PLEKHA2: variants seen among roughly 807,000 people sequenced by gnomAD.
The protein encoded by PLEKHA2 is pleckstrin homology domain containing A2.
A neutral mutation model predicts 53.2 loss-of-function variants in PLEKHA2; 28 were observed. The observed-to-expected ratio is 0.53, with a 90% CI of 0.39 to 0.72. The LOEUF is 0.72. Among genes scored for constraint, PLEKHA2 ranks in the 30% least tolerant of loss-of-function variants. The pLI is 0.00. For missense variants in PLEKHA2, 426 were observed against 537.9 expected (o/e 0.79, Z 2.06); for synonymous variants, 193 against 196.4 (o/e 0.98, Z 0.14).
intron 1 of PLEKHA2, among the ~76,000 whole-genome samples, chr8:38,911,341 A>G (rs1175874800): frequency 1.3e-5 from 2 of 151,976 alleles, no homozygotes; most frequent in Non-Finnish European, 2.9e-5. Flanking sequence ...GGTTCAAGCA[A>G]TTCTCCTGTC....
intron 10 of PLEKHA2, among the ~76,000 whole-genome samples, chr8:38,958,607 AG>A (rs1475343838): frequency 6.6e-6 from 1 of 152,192 alleles, no homozygotes; most frequent in African/African-American, 2.4e-5. Flanking sequence ...CATACCATCC[AG>A]GAAGAGACAG....
At chr8:38,941,227 T>C (rs1449226264) in intron 3 of PLEKHA2, among the ~76,000 whole-genome samples, 1 of 152,116 alleles carries the variant, frequency 6.6e-6, no homozygotes, top group African/African-American at 2.4e-5. Flanking sequence ...CGGCTAATTT[T>C]GTATTTTTAG....
intron 10 of PLEKHA2, among the ~76,000 whole-genome samples, 165 bp from the exon 11 acceptor site, chr8:38,968,427 G>T (rs1835180584): frequency 6.6e-6 from 1 of 152,118 alleles, no homozygotes; most frequent in African/African-American, 2.4e-5. Context: ...GATATTGCAG[G>T]GAAAACATGT....
At chr8:38,940,622 G>T (rs1262322613) in intron 3 of PLEKHA2, among the ~76,000 whole-genome samples, 1 of 128,996 alleles carries the variant, frequency 7.8e-6, no homozygotes, top group Non-Finnish European at 1.6e-5. Flanking sequence ...CAGGACAGAA[G>T]TCTATGCCGT....
chr8:38,927,047 A>C (rs983146494), intron 2 of PLEKHA2, among the ~76,000 whole-genome samples: 3 of 152,258 alleles, frequency 2.0e-5, no homozygotes, highest in African/African-American at 7.2e-5. Flanking sequence ...AACTTAGCAG[A>C]GGTTAAATAA....
chr8:38,918,684 C>G (rs530313620), intron 2 of PLEKHA2, among the ~76,000 whole-genome samples: 1 of 148,330 alleles, frequency 6.7e-6, no homozygotes, highest in African/African-American at 2.5e-5. Flanking sequence ...CACACCCCCA[C>G]GCACACCACA....
intron 2 of PLEKHA2, among the ~76,000 whole-genome samples, chr8:38,933,279 C>G (rs185091598): frequency 2.6e-5 from 4 of 152,102 alleles, no homozygotes; most frequent in Admixed American, 2.6e-4. Flanking sequence ...TGGGCCCTCT[C>G]GTGTCTTTCC....
intron 5 of PLEKHA2, among the ~76,000 whole-genome samples, chr8:38,947,153 C>T (rs1383153197): frequency 8.1e-6 from 1 of 123,238 alleles, no homozygotes; most frequent in Non-Finnish European, 1.8e-5. Context: ...CTTGGTAAAC[C>T]CGTGAAAAGA....
chr8:38,940,652 G>GA (rs971239699), intron 3 of PLEKHA2, among the ~76,000 whole-genome samples: 1 of 31,906 alleles, frequency 3.1e-5, no homozygotes, highest in East Asian at 3.7e-4. Flanking sequence ...TGAAGGGGCG[G>GA]GGGGGGGGGG....
In PLEKHA2 at chr8:38,936,181, C is replaced by A. The variant is rs144581743; in HGVS notation, c.198+131C>A. 2.4e-3 allele frequency: 2,242 copies of A among 949,152 alleles called. 9 individuals carry two copies. The highest frequency in any genetic ancestry group is 0.011 in the Middle Eastern group (33 of 3,106). The allele number at this position is 949,152 out of a possible 1,614,324, so 58.8% of individuals were successfully genotyped here. On this transcript the variant is annotated intron_variant, in intron 3 of 11. Coordinates refer to ENST00000617275, the MANE Select transcript of PLEKHA2 (RefSeq NM_021623.2). The stretch of plus-strand genomic sequence containing the variant: ...CATGGTGTTGAAATGCTCCCCTGAA[C>A]CCACACAATGCCTGTGGAGGCTTAG...
At chr8:38,917,117 G>T (rs144236896) in intron 1 of PLEKHA2, among the ~76,000 whole-genome samples, 1 of 152,046 alleles carries the variant, frequency 6.6e-6, no homozygotes. Flanking sequence ...TTTAAATTTG[G>T]ATTATGAGAT....
At chr8:38,928,270 A>T (rs527470685) in intron 2 of PLEKHA2, among the ~76,000 whole-genome samples, 191 of 108,928 alleles carry the variant, frequency 1.8e-3, no homozygotes, top group Middle Eastern at 7.5e-3. Context: ...TTTGAGATGG[A>T]GTCTCACTCA....
At chr8:38,932,683 T>G (rs1490460477) in intron 2 of PLEKHA2, among the ~76,000 whole-genome samples, 1 of 152,222 alleles carries the variant, frequency 6.6e-6, no homozygotes, top group African/African-American at 2.4e-5. Flanking sequence ...CCGTTCATCT[T>G]CTAGGTCCAG....
chr8:38,906,534 C>T (rs943102060), intron 1 of PLEKHA2, among the ~76,000 whole-genome samples: 1 of 152,190 alleles, frequency 6.6e-6, no homozygotes, highest in Non-Finnish European at 1.5e-5. Context: ...ATCCGCCCCC[C>T]GCCATTCCTG....
Position 38,936,037 on chromosome 8 carries a change from C to T in PLEKHA2, c.185C>T (p.Thr62Ile), listed in dbSNP as rs1834488842. 1 of 1,613,346 alleles carries T rather than the reference C, an allele frequency of 6.2e-7. No individual in the cohort carries two copies. Among genetic ancestry groups the T allele is most frequent in the South Asian group, 1.1e-5 (1 of 91,078 alleles). The change falls in exon 3 of 12, where the codon ACC becomes ATC. Residue 62 changes from threonine (T) to isoleucine (I), a missense_variant. Coordinates refer to ENST00000617275, the MANE Select transcript of PLEKHA2 (RefSeq NM_021623.2). ...GGAGCTGTTGGAGCTTTGCAGCTGA[C>T]CTACATCTCGAAGGTAATGTTGACC... Reference protein sequence around the residue: ...GAGAVGALQLTYISKVSIATP... With the variant: ...GAGAVGALQLIYISKVSIATP...
intron 6 of PLEKHA2, among the ~76,000 whole-genome samples, chr8:38,951,191 G>C (rs1049966018): frequency 6.6e-6 from 1 of 152,194 alleles, no homozygotes; most frequent in East Asian, 1.9e-4. Context: ...GGAAGTGGAG[G>C]CTGCTGCATC....
At chr8:38,947,790 C>CT (rs1361286923) in intron 5 of PLEKHA2, among the ~76,000 whole-genome samples, 1 of 151,758 alleles carries the variant, frequency 6.6e-6, no homozygotes, top group East Asian at 1.9e-4. Flanking sequence ...ACTGGGAACT[C>CT]TAAAAAGTTA....
chr8:38,962,191 C>T (rs752148257), intron 10 of PLEKHA2, among the ~76,000 whole-genome samples: 3 of 152,106 alleles, frequency 2.0e-5, no homozygotes, highest in African/African-American at 4.8e-5. Flanking sequence ...GGGTTGTTTG[C>T]GAGCAGCCTG....
At chr8:38,955,766 T>C (rs140828565) in intron 9 of PLEKHA2, among the ~76,000 whole-genome samples, 4 of 152,344 alleles carry the variant, frequency 2.6e-5, no homozygotes, top group African/African-American at 9.6e-5. Context: ...TTTCCAACTC[T>C]TGGCATATAA....
Sources: allele counts gnomAD v4.1 joint callset (sites outside exome capture counted in the v4.1 genomes callset), GRCh38; gene constraint gnomAD v4.1.1; transcripts MANE v1.5; gene names NCBI Gene and HGNC (gene_info 2026-07-23, HGNC 2026-07-21).